Variants in LYPD5 observed in about 807,000 individuals in gnomAD.
LYPD5 encodes LY6/PLAUR domain containing 5, also known as ly6/PLAUR domain-containing protein 5.
Under a neutral mutation model 19.1 loss-of-function variants are expected in LYPD5, and 21 were observed. The ratio of observed to expected loss-of-function variants is 1.10; its 90% CI spans 0.78 to 1.58. LYPD5 has a LOEUF of 1.58. LYPD5 is among the 40% of genes most tolerant of loss of function. The probability of loss-of-function intolerance (pLI) is 0.00; values close to 1 mark genes in which losing one functional copy is unlikely to be tolerated. For missense variants in LYPD5, 287 were observed against 329.8 expected (o/e 0.87, Z 1.00); for synonymous variants, 128 against 142.7 (o/e 0.90, Z 0.74).
chr19:43,799,004 G>C lies in LYPD5; in HGVS notation c.194-16C>G. On this transcript the variant is annotated splice_polypyrimidine_tract_variant and intron_variant, in intron 2 of 4. Coordinates refer to ENST00000377950, the MANE Select transcript of LYPD5 (RefSeq NM_001031749.3). The stretch of plus-strand genomic sequence containing the variant: ...GCGCGATACCCTGGGGGCGGGATCG[G>C]GGCTCGTGCTCTGCTTCCCGAAACC... 6.5e-7 allele frequency: 1 copy of C among 1,550,234 alleles called. No individual in the cohort carries two copies. The highest frequency in any genetic ancestry group is 8.7e-7 in the Non-Finnish European group (1 of 1,146,982).
At chr19:43,803,345 G>C (rs1375843686), upstream of LYPD5, among the ~76,000 whole-genome samples, 3 of 152,252 alleles carry the variant, frequency 2.0e-5, no homozygotes, top group Non-Finnish European at 4.4e-5. Flanking sequence ...CAGCAGGTGA[G>C]GAGGTCCAGA....
At chr19:43,798,211 G>GCCT (rs1970162900) in intron 4 of LYPD5, among the ~76,000 whole-genome samples, 1 of 74,050 alleles carries the variant, frequency 1.4e-5, no homozygotes, top group Non-Finnish European at 2.7e-5. Context: ...CCAGGGTCAT[G>GCCT]CCTCCTCCCT....
upstream of LYPD5, among the ~76,000 whole-genome samples, chr19:43,806,575 T>C (rs1044191612): frequency 6.6e-6 from 1 of 151,990 alleles, no homozygotes; most frequent in Non-Finnish European, 1.5e-5. Flanking sequence ...GGCAAGAGAA[T>C]CCTTGAACAC....
At chr19:43,807,110 G>T (rs1315901550), upstream of LYPD5, among the ~76,000 whole-genome samples, 3 of 152,130 alleles carry the variant, frequency 2.0e-5, no homozygotes, top group African/African-American at 7.2e-5. Flanking sequence ...GGACACTGGG[G>T]TTGTTTCGCC....
intron 1 of LYPD5, among the ~76,000 whole-genome samples, chr19:43,810,258 T>C (rs1420717502): frequency 6.6e-6 from 1 of 152,140 alleles, no homozygotes; most frequent in Non-Finnish European, 1.5e-5. Flanking sequence ...TCTTGCCTTA[T>C]TGTATAGGCT....
chr19:43,816,060 ATCT>A (rs1970372042), intron 1 of LYPD5, among the ~76,000 whole-genome samples: 4 of 151,822 alleles, frequency 2.6e-5, no homozygotes, highest in African/African-American at 7.3e-5. Context: ...CTATCTATCT[ATCT>A]ATCTATCTAT....
rs1970141065 is a variant in LYPD5 at position 43,797,136 on chromosome 19, G to T, written c.*455C>A. On this transcript the variant is annotated 3_prime_UTR_variant, in exon 5 of 5. Transcript: ENST00000377950. ...CTCTGCAGGCTGAATGGTGGAGCTG[G>T]GATTTGAACCCATGCAGCTTAGCTC... The T allele has an allele frequency of 6.4e-6, 1 of 155,170 alleles. No homozygotes were observed. The highest frequency in any genetic ancestry group is 2.4e-5 in the African/African-American group (1 of 41,494). The allele number at this position is 155,170 out of a possible 1,614,324, so 9.6% of individuals were successfully genotyped here.
Position 43,798,560 on chromosome 19 carries a change from A to C in LYPD5, c.412T>G (p.Cys138Gly). 2 of 1,611,628 alleles carry C rather than the reference A, an allele frequency of 1.2e-6. No individual in the cohort carries two copies. Among genetic ancestry groups the C allele is most frequent in the Non-Finnish European group, 1.7e-6 (2 of 1,180,032 alleles). ...PTLSGAECYA[C>G]IGVHQDDCAI... ...CAGTCATCCTGGTGGACCCCGATAC[A>C]GGCGTAGCACTCGGCGCCGCTGAGC... Residue 138 changes from cysteine (C) to glycine (G), a missense_variant, in exon 4 of 5, where the codon TGT (cysteine) becomes GGT (glycine). Physicochemically the swap from Cys to Gly is radical, Grantham distance 159 (BLOSUM62 -3). Transcript: ENST00000377950.
At chr19:43,806,740 T>G (rs1970273876), upstream of LYPD5, among the ~76,000 whole-genome samples, 1 of 152,146 alleles carries the variant, frequency 6.6e-6, no homozygotes, top group Non-Finnish European at 1.5e-5. Context: ...GTGAGTTATA[T>G]AATTATTTCA....
chr19:43,802,539 G>GTATTTTTAGT, upstream of LYPD5: 1 of 606,544 alleles, frequency 1.6e-6, no homozygotes, highest in South Asian at 2.0e-5. Flanking sequence ...TAATCGTGAT[G>GTATTTTTAGT]GAAACAGGGT....
intron 1 of LYPD5, among the ~76,000 whole-genome samples, chr19:43,811,992 T>G (rs1236269199): frequency 6.6e-6 from 1 of 152,126 alleles, no homozygotes; most frequent in Non-Finnish European, 1.5e-5. Flanking sequence ...CTTGACTGAT[T>G]TCTGCTGGGC....
chr19:43,800,443 A>C (rs1029453698), intron 1 of LYPD5, among the ~76,000 whole-genome samples: 4 of 152,190 alleles, frequency 2.6e-5, no homozygotes, highest in Non-Finnish European at 4.4e-5. Context: ...TCCCTAACTA[A>C]GGCACAGCAC....
Position 43,799,733 on chromosome 19 carries a change from A to G in LYPD5, c.166T>C (p.Phe56Leu). The G allele has an allele frequency of 6.2e-7, 1 of 1,613,768 alleles. No homozygotes were observed. The highest frequency in any genetic ancestry group is 8.5e-7 in the Non-Finnish European group (1 of 1,179,868). Residue 56 changes from phenylalanine to leucine, a missense_variant, in exon 2 of 5, where the codon TTT becomes CTT. Coordinates refer to ENST00000377950, the MANE Select transcript of LYPD5 (RefSeq NM_001031749.3). ...GTGTCCAGAGACAGGATAGCCTCAA[A>G]GCACTCATGAGGACAGGAGATGCTG... ...LPSISCPHEC[F>L]EAILSLDTGY...
At chr19:43,802,922 G>A (rs924598510), upstream of LYPD5, among the ~76,000 whole-genome samples, 5 of 152,114 alleles carry the variant, frequency 3.3e-5, no homozygotes, top group Non-Finnish European at 7.3e-5. Context: ...TCCCCTACCG[G>A]GCTGTGAACT....
At chr19:43,814,483 G>T (rs989880146) in intron 1 of LYPD5, among the ~76,000 whole-genome samples, 1 of 150,636 alleles carries the variant, frequency 6.6e-6, no homozygotes, top group Non-Finnish European at 1.5e-5. Context: ...AACAGAGAAA[G>T]ACCTGTCTCT....
intron 1 of LYPD5, among the ~76,000 whole-genome samples, chr19:43,813,410 G>A (rs1303423273): frequency 6.6e-6 from 1 of 152,190 alleles, no homozygotes; most frequent in Non-Finnish European, 1.5e-5. Flanking sequence ...AGAAGCAGAT[G>A]CTGGCACTAT....
chr19:43,799,674 C>T (rs1395173172), intron 2 of LYPD5, 32 bp downstream of exon 2: 13 of 1,596,450 alleles, frequency 8.1e-6, no homozygotes, highest in Non-Finnish European at 1.1e-5. Context: ...TCCCTAATCT[C>T]TCATCCCTGT....
intron 1 of LYPD5, among the ~76,000 whole-genome samples, chr19:43,810,537 TC>T (rs1970311810): frequency 1.5e-3 from 52 of 34,882 alleles, no homozygotes; most frequent in Non-Finnish European, 2.6e-3. Context: ...TTCCGTTCCC[TC>T]CCCTCCCCTC....
upstream of LYPD5, among the ~76,000 whole-genome samples, chr19:43,805,813 T>A (rs1171686439): frequency 2.0e-5 from 3 of 152,188 alleles, no homozygotes; most frequent in South Asian, 6.2e-4. Flanking sequence ...TGGCCTCTTT[T>A]GTTGTTTTCA....
Sources: allele counts gnomAD v4.1 joint callset (sites outside exome capture counted in the v4.1 genomes callset), GRCh38; gene constraint gnomAD v4.1.1; transcripts MANE v1.5; gene names NCBI Gene and HGNC (gene_info 2026-07-23, HGNC 2026-07-21).